The following CFAP210 variants were observed in gnomAD, a reference collection of about 807,000 sequenced individuals.
CFAP210 encodes cilia- and flagella- associated protein 210.
chr2:169,652,447 A>G, the CFAP210 span, among the ~76,000 whole-genome samples: 1 of 152,080 alleles, frequency 6.6e-6, no homozygotes, highest in Non-Finnish European at 1.5e-5. Flanking sequence ...GTGAACAAAA[A>G]CATTAGAAGT....
chr2:169,688,993 G>C, the CFAP210 span, among the ~76,000 whole-genome samples: 1 of 152,196 alleles, frequency 6.6e-6, no homozygotes, highest in African/African-American at 2.4e-5. Context: ...CACATGGCTG[G>C]GGAGGCCTCA....
the CFAP210 span, among the ~76,000 whole-genome samples, chr2:169,678,083 G>A: frequency 1.3e-5 from 2 of 152,134 alleles, no homozygotes; most frequent in Non-Finnish European, 2.9e-5. Flanking sequence ...GCTCACGCCT[G>A]TAATCCCAGC....
chr2:169,660,772 T>G, the CFAP210 span: 1 of 232,376 alleles, frequency 4.3e-6, no homozygotes, highest in South Asian at 5.9e-5. Flanking sequence ...TGGCTATTTT[T>G]TGTATTTTTT....
At chr2:169,649,041 T>A in the CFAP210 span, 86 of 640,312 alleles carry the variant, frequency 1.3e-4, no homozygotes, top group Non-Finnish European at 2.0e-4. Context: ...AACCTCACAT[T>A]TTTAATACAT....
the CFAP210 span, chr2:169,659,076 G>A: frequency 6.5e-6 from 1 of 152,798 alleles, no homozygotes; most frequent in East Asian, 1.9e-4. Context: ...CCGTGATCAT[G>A]CCACTGCACT....
chr2:169,672,836 A>T, the CFAP210 span, among the ~76,000 whole-genome samples: 1 of 152,164 alleles, frequency 6.6e-6, no homozygotes, highest in Admixed American at 6.5e-5. Flanking sequence ...ACGACACTTT[A>T]CCAGCCATCT....
chr2:169,653,030 ATATATAT>A, the CFAP210 span, among the ~76,000 whole-genome samples: 55 of 9,060 alleles, frequency 6.1e-3, no homozygotes, highest in African/African-American at 0.011. Flanking sequence ...AAAAAAAAAA[ATATATAT>A]ATATATATAT....
the CFAP210 span, among the ~76,000 whole-genome samples, chr2:169,692,189 C>A: frequency 1.3e-5 from 2 of 152,130 alleles, no homozygotes; most frequent in East Asian, 1.9e-4. Context: ...CACTTCCCAA[C>A]TGATCCTTTT....
At chr2:169,690,105 C>G in the CFAP210 span, among the ~76,000 whole-genome samples, 53 of 152,250 alleles carry the variant, frequency 3.5e-4, no homozygotes, top group Non-Finnish European at 6.2e-4. Context: ...AATTCCTGGC[C>G]TCAAGTGGTC....
chr2:169,647,559 GT>G, the CFAP210 span, among the ~76,000 whole-genome samples: 68,857 of 151,854 alleles, frequency 0.45, 16,445 homozygotes, highest in African/African-American at 0.59. Context: ...CAAGTATTCT[GT>G]TTTTTTCTTT....
the CFAP210 span, chr2:169,681,246 A>G: frequency 2.6e-6 from 4 of 1,558,690 alleles, no homozygotes; most frequent in Non-Finnish European, 3.5e-6. Context: ...AATAAATTGT[A>G]AAAAATGATT....
At chr2:169,672,103 T>C in the CFAP210 span, among the ~76,000 whole-genome samples, 1 of 152,222 alleles carries the variant, frequency 6.6e-6, no homozygotes, top group East Asian at 1.9e-4. Flanking sequence ...GTAACATGCA[T>C]TCTGAATTCT....
chr2:169,676,712 G>A, the CFAP210 span, among the ~76,000 whole-genome samples: 9 of 152,004 alleles, frequency 5.9e-5, no homozygotes, highest in South Asian at 2.1e-4. Flanking sequence ...TTCCTAAAGC[G>A]AGGTACTATA....
the CFAP210 span, among the ~76,000 whole-genome samples, chr2:169,664,676 T>C: frequency 6.6e-6 from 1 of 152,286 alleles, no homozygotes. Context: ...CAGCTCCCAT[T>C]CCCAAAGCAG....
At chr2:169,656,413 AAGG>A in the CFAP210 span, among the ~76,000 whole-genome samples, 5 of 91,310 alleles carry the variant, frequency 5.5e-5, no homozygotes, top group Non-Finnish European at 1.3e-4. Flanking sequence ...TGAAGTAGAG[AAGG>A]AGGAGGACGA....
chr2:169,685,643 T>C, the CFAP210 span, among the ~76,000 whole-genome samples: 21 of 151,860 alleles, frequency 1.4e-4, no homozygotes, highest in Non-Finnish European at 2.5e-4. Context: ...CTTGGGTTGA[T>C]TGTGCTTTTG....
the CFAP210 span, among the ~76,000 whole-genome samples, chr2:169,653,354 G>T: frequency 6.6e-6 from 1 of 151,784 alleles, no homozygotes; most frequent in Non-Finnish European, 1.5e-5. Flanking sequence ...AGGTCTGAGG[G>T]ATAAGGCTGG....
chr2:169,681,291 C>T, the CFAP210 span: 160 of 1,295,818 alleles, frequency 1.2e-4, no homozygotes, highest in African/African-American at 2.1e-3. Context: ...AAGTGATATT[C>T]GTCTGAGAAG....
At chr2:169,676,552 T>G in the CFAP210 span, among the ~76,000 whole-genome samples, 1 of 123,888 alleles carries the variant, frequency 8.1e-6, no homozygotes, top group African/African-American at 3.0e-5. Context: ...AGTCAACCAC[T>G]CCCCCTACCT....
Sources: allele counts gnomAD v4.1 joint callset (sites outside exome capture counted in the v4.1 genomes callset), GRCh38; gene constraint gnomAD v4.1.1; transcripts MANE v1.5; gene names NCBI Gene and HGNC (gene_info 2026-07-23, HGNC 2026-07-21).